The following ALG12 variants were observed in gnomAD, a reference collection of about 807,000 sequenced individuals.
ALG12 encodes dol-P-Man:Man(7)GlcNAc(2)-PP-Dol alpha-1,6-mannosyltransferase.
In ALG12, 36 loss-of-function variants were observed where a neutral mutation model predicts 46.0. That is an observed-to-expected ratio of 0.78 (90% CI 0.60 to 1.03). The LOEUF (loss-of-function observed/expected upper bound fraction) is 1.03. Among genes scored for constraint, ALG12 ranks in the 50% least tolerant of loss-of-function variants. The pLI is 0.00. For synonymous variants in ALG12, 326 were observed against 291.6 expected (o/e 1.12, Z -1.20); for missense variants, 599 against 633.5 (o/e 0.95, Z 0.58).
chr22:49,885,114 C>T, the ALG12 span: 44 of 1,614,036 alleles, frequency 2.7e-5, no homozygotes, highest in East Asian at 7.8e-4. Context: ...GCTGTGCCAT[C>T]AGCCGGGGGA....
intron 1 of ALG12, among the ~76,000 whole-genome samples, chr22:49,914,360 G>GC (rs2060598406): frequency 6.6e-6 from 1 of 152,240 alleles, no homozygotes; most frequent in Non-Finnish European, 1.5e-5. Context: ...GGCCAGCAAA[G>GC]CCCCCGCTCC....
At chr22:49,914,133 G>A (rs979467469) in intron 1 of ALG12, among the ~76,000 whole-genome samples, 2 of 152,216 alleles carry the variant, frequency 1.3e-5, no homozygotes, top group Non-Finnish European at 2.9e-5. Flanking sequence ...GGGCAATGGA[G>A]GGTGGTAAAT....
At position 49,910,012 on chromosome 22, in the gene ALG12, C is replaced by T; in HGVS notation, c.546G>A (p.Val182=). Residue 182 remains valine, a synonymous_variant, in exon 5 of 10, where the codon GTG becomes GTA. Transcript: ENST00000330817. ...GGAACAGGCACAGCTCCACCCTGAA[C>T]ACGATGATGGCGAAGGCTGACAGCC... ...FIWLSAFAII[V]FRVELCLFLG... 6.2e-7 allele frequency: 1 copy of T among 1,613,908 alleles called. No homozygotes were observed. The highest frequency in any genetic ancestry group is 1.1e-5 in the South Asian group (1 of 91,074).
At chr22:49,878,841 TAAAAA>T in the ALG12 span, among the ~76,000 whole-genome samples, 40 of 151,418 alleles carry the variant, frequency 2.6e-4, no homozygotes, top group African/African-American at 9.7e-4. Flanking sequence ...CTACTAAAAA[TAAAAA>T]AAATGAGCCG....
At chr22:49,886,080 C>T in the ALG12 span, 35 of 679,630 alleles carry the variant, frequency 5.1e-5, 1 homozygote, top group African/African-American at 4.1e-4. This position sits in a 1 kb window ranked among gnomAD's most constrained non-coding sequence, Gnocchi z 7.7. Context: ...TGGGCATCAC[C>T]GTCACCGACA....
rs769869200 is a variant in ALG12 at position 49,903,952 on chromosome 22, C to G, written c.1353G>C (p.Leu451=). The part of the protein sequence containing the change: ...LALYRDTHRV[L]ASVVGTTGVS... Reference sequence around the variant, plus strand: ...CACCTGTGGTCCCCACGACGCTGGCCAGGACCCGGTGTGTGTCCCTGTAGA... The same window carrying G: ...CACCTGTGGTCCCCACGACGCTGGCGAGGACCCGGTGTGTGTCCCTGTAGA... The change falls in exon 10 of 10, where the codon CTG becomes CTC. Residue 451 remains leucine, a synonymous_variant. Coordinates refer to ENST00000330817, the MANE Select transcript of ALG12 (RefSeq NM_024105.4). 1.1e-5 allele frequency: 18 copies of G among 1,614,226 alleles called. No homozygotes were observed. In the South Asian group the frequency reaches 1.3e-4, roughly 12 times the overall value.
intron 6 of ALG12, 42 bp from the exon 7 acceptor site, chr22:49,907,986 G>T: frequency 6.3e-7 from 1 of 1,588,194 alleles, no homozygotes; most frequent in South Asian, 1.1e-5. Context: ...GTCCACGCAT[G>T]AGCCCGTGGG....
At chr22:49,885,102 C>T in the ALG12 span, 18 of 1,613,744 alleles carry the variant, frequency 1.1e-5, no homozygotes, top group South Asian at 2.2e-5. Context: ...GTCGGTACTG[C>T]GGCTGTGCCA....
chr22:49,899,215 G>C (rs2060494449), downstream of ALG12, among the ~76,000 whole-genome samples: 1 of 152,168 alleles, frequency 6.6e-6, no homozygotes. Flanking sequence ...GTTCACACCT[G>C]TAGTCCCAGC....
At chr22:49,911,890 C>T (rs1450209167) in intron 3 of ALG12, among the ~76,000 whole-genome samples, 1 of 152,216 alleles carries the variant, frequency 6.6e-6, no homozygotes, top group Non-Finnish European at 1.5e-5. Context: ...CCATCCCCTG[C>T]GTCTCTTCTC....
At position 49,910,660 on chromosome 22, in the gene ALG12, G is replaced by A; in HGVS notation, c.296-53C>T. 3 of 1,609,654 alleles carry A rather than the reference G, an allele frequency of 1.9e-6. No homozygotes were observed. The South Asian group carries it at 3.3e-5, about 18-fold the overall frequency. On this transcript the variant is annotated intron_variant, in intron 3 of 9. Transcript: ENST00000330817. The stretch of plus-strand genomic sequence containing the variant: ...GCCTGCAGTGGAGGAGTATCCAGTG[G>A]GGCCCCCTACGTGGGTCCTTCTACA...
At chr22:49,883,506 T>C in the ALG12 span, 1 of 1,066,108 alleles carries the variant, frequency 9.4e-7, no homozygotes, top group Non-Finnish European at 1.3e-6. Context: ...AGATTCTTTT[T>C]TTCAGTACTA....
chr22:49,915,449 C>G lies in ALG12; in HGVS notation c.-78-1606G>C, dbSNP rs146656522. Reference sequence around the variant, plus strand: ...GTGCACGCCTATAATCCCAGCTACTCGGGAGGCTAAGGCAGGAGAATCGCT... The same window carrying G: ...GTGCACGCCTATAATCCCAGCTACTGGGGAGGCTAAGGCAGGAGAATCGCT... On this transcript the variant is annotated intron_variant, in intron 1 of 9. Coordinates refer to ENST00000330817, the MANE Select transcript of ALG12 (RefSeq NM_024105.4). Among the ~76,000 whole-genome samples, 804 of 152,092 alleles carry G rather than the reference C, an allele frequency of 5.3e-3. 13 individuals are homozygous for G. The highest frequency in any genetic ancestry group is 0.018 in the African/African-American group (745 of 41,464).
At chr22:49,866,131 A>G in the ALG12 span, among the ~76,000 whole-genome samples, 1 of 23,368 alleles carries the variant, frequency 4.3e-5, no homozygotes, top group South Asian at 9.4e-4. Context: ...CTGAGAGCCC[A>G]AAGGATTTAA....
chr22:49,909,788 G>C, intron 5 of ALG12, 106 bp downstream of exon 5: 1 of 1,458,126 alleles, frequency 6.9e-7, no homozygotes, highest in African/African-American at 1.4e-5. Flanking sequence ...CTAAATTTAG[G>C]GTCATTTTAT....
the ALG12 span, chr22:49,886,365 G>A: frequency 1.2e-6 from 2 of 1,610,690 alleles, no homozygotes; most frequent in Non-Finnish European, 1.7e-6. The surrounding 1 kb of genome is among the most constrained non-coding windows in gnomAD (Gnocchi z 7.7). Context: ...TGCTCGAGCG[G>A]CTCATTGAGC....
At chr22:49,913,950 C>T (rs562184236) in intron 1 of ALG12, 107 bp from the exon 2 acceptor site, 9 of 690,634 alleles carry the variant, frequency 1.3e-5, no homozygotes, top group East Asian at 2.7e-5. Flanking sequence ...CTGTCTTAGT[C>T]GCACTACTAC....
chr22:49,902,409 CAT>C lies in ALG12; in HGVS notation c.*1427_*1428del, dbSNP rs1491315321. On this transcript the variant is annotated 3_prime_UTR_variant, in exon 10 of 10. Transcript: ENST00000330817. Reference sequence around the variant, plus strand: ...GTGGTGTGTATGCATGGTGTGTGCACATGTGCACTGTGTATGCATGGTGTGTG... The same window carrying C: ...GTGGTGTGTATGCATGGTGTGTGCACGTGCACTGTGTATGCATGGTGTGTG... 1.1e-4 allele frequency: 7 copies of C among 63,612 alleles called. No individual in the cohort carries two copies. The East Asian group carries it at 2.0e-3, about 18-fold the overall frequency. The allele number at this position is 63,612 out of a possible 1,614,324, so 3.9% of individuals were successfully genotyped here.
the ALG12 span, among the ~76,000 whole-genome samples, chr22:49,891,226 C>A: frequency 2.6e-5 from 4 of 152,180 alleles, no homozygotes; most frequent in Admixed American, 1.3e-4. Flanking sequence ...CCTGTTCCAT[C>A]TCCTGTTATA....
Sources: gnomAD v4.1 joint callset for allele counts (sites outside exome capture counted in the v4.1 genomes callset) on GRCh38, gnomAD v4.1.1 for gene constraint, Gnocchi (gnomAD v3.1) non-coding constraint, MANE v1.5 for transcripts, NCBI Gene and HGNC (gene_info 2026-07-23, HGNC 2026-07-21) for gene names.